IDNK: variants seen among roughly 807,000 people sequenced by gnomAD.
IDNK encodes gluconokinase.
IDNK carries 9 observed loss-of-function variants against 13.0 expected under a neutral mutation model. The observed-to-expected ratio is 0.69, with a 90% CI of 0.42 to 1.21. IDNK has a LOEUF of 1.21. Ranked by LOEUF, IDNK falls within the 50% of genes most tolerant of loss-of-function variation. The probability of loss-of-function intolerance (pLI) is 0.00; values close to 1 mark genes in which losing one functional copy is unlikely to be tolerated. For missense variants in IDNK, 210 were observed against 237.8 expected (o/e 0.88, Z 0.77); for synonymous variants, 92 against 94.9 (o/e 0.97, Z 0.18).
At chr9:83,623,803 A>C (rs79237027) in intron 1 of IDNK, among the ~76,000 whole-genome samples, 5,749 of 152,294 alleles carry the variant, frequency 0.038, 326 homozygotes, top group African/African-American at 0.13. Flanking sequence ...AAGAAAGAAG[A>C]GAATTGTGGA....
Position 83,643,581 on chromosome 9 carries a change from T to G in IDNK, c.365T>G (p.Val122Gly). The G allele has an allele frequency of 6.2e-7, 1 of 1,613,912 alleles. No homozygotes were observed. Among genetic ancestry groups the G allele is most frequent in the Non-Finnish European group, 8.5e-7 (1 of 1,179,972 alleles). Residue 122 changes from valine to glycine, a missense_variant, in exon 5 of 5, where the codon GTC becomes GGC. Transcript: ENST00000376419. ...CAGGCTGAGATGCAGCTCCTGGTGG[T>G]CCATCTGAGCGGGTCGTTTGAGGTC... ...AKQAEMQLLVVHLSGSFEVIS... is the reference protein window; with the variant it reads ...AKQAEMQLLVGHLSGSFEVIS...
intron 4 of IDNK, among the ~76,000 whole-genome samples, chr9:83,642,160 C>CAA (rs1436459485): frequency 6.6e-6 from 1 of 152,152 alleles, no homozygotes; most frequent in Non-Finnish European, 1.5e-5. Context: ...ACAGGGTCCC[C>CAA]CCCCAACAGC....
rs557377838 is a variant in IDNK, at chr9:83,632,062, A to C, written c.168+3103A>C. On this transcript the variant is annotated intron_variant, in intron 3 of 4. Coordinates refer to ENST00000376419, the MANE Select transcript of IDNK (RefSeq NM_001001551.4). Reference sequence around the variant, plus strand: ...AAAGTACTAAAAAATTTTTTCACAAAATATATCACCCTTGGTCTCATCTTC... The same window carrying C: ...AAAGTACTAAAAAATTTTTTCACAACATATATCACCCTTGGTCTCATCTTC... Among the ~76,000 whole-genome samples the C allele has an allele frequency of 2.0e-5, 3 of 152,280 alleles. No homozygotes were observed. In the East Asian group the frequency reaches 5.8e-4, roughly 29 times the overall value.
chr9:83,640,319 C>T (rs1042898856), intron 3 of IDNK, among the ~76,000 whole-genome samples: 5 of 152,120 alleles, frequency 3.3e-5, no homozygotes, highest in Non-Finnish European at 7.4e-5. Context: ...TAGTAAAGCC[C>T]TGATACCGAC....
chr9:83,629,066 CA>C (rs1181260464), intron 3 of IDNK, 107 bp downstream of exon 3: 1 of 861,416 alleles, frequency 1.2e-6, no homozygotes, highest in African/African-American at 1.6e-5. Context: ...GGTCACTGTA[CA>C]GGGGCTACAA....
chr9:83,643,418 T>C lies in IDNK; in HGVS notation c.213-11T>C. 6.4e-7 allele frequency: 1 copy of C among 1,567,860 alleles called. No homozygotes were observed. The highest frequency in any genetic ancestry group is 8.6e-7 in the Non-Finnish European group (1 of 1,158,192). ...TTAGCCTCCCTCTTTTTTTTTTCTT[T>C]TTCTAAACAGAGATGTAGCCTCGGG... is the stretch of plus-strand genomic sequence containing the variant. On this transcript the variant is annotated splice_polypyrimidine_tract_variant and intron_variant, in intron 4 of 4. Coordinates refer to ENST00000376419, the MANE Select transcript of IDNK (RefSeq NM_001001551.4).
At position 83,628,203 on chromosome 9, in the gene IDNK, G is replaced by A. The variant is rs1333369354; in HGVS notation, c.73G>A (p.Ala25Thr). 1 of 1,550,374 alleles carries A rather than the reference G, an allele frequency of 6.5e-7. No individual in the cohort carries two copies. The highest frequency in any genetic ancestry group is 8.7e-7 in the Non-Finnish European group (1 of 1,146,898). ...CAGATCCACCGTGGGCGCCCTGCTGGCATCTGAGGTTAGTAACCTGTCCTA... is the reference window on the plus strand; with the variant it reads ...CAGATCCACCGTGGGCGCCCTGCTGACATCTGAGGTTAGTAACCTGTCCTA... ...SGKSTVGALL[A>T]SELGWKFYDA... The change falls in exon 2 of 5, where the codon GCA (alanine) becomes ACA (threonine). Residue 25 changes from alanine (A) to threonine (T), a missense_variant. By Grantham distance (58) the Ala-to-Thr change is moderately conservative. Transcript: ENST00000376419.
chr9:83,625,912 TAATG>T (rs1232185711), intron 1 of IDNK, among the ~76,000 whole-genome samples: 1 of 152,224 alleles, frequency 6.6e-6, no homozygotes, highest in Non-Finnish European at 1.5e-5. Flanking sequence ...CTTGTTGACT[TAATG>T]AATGGATGGA....
rs1428905255 is a variant in IDNK, at chr9:83,643,753, A to G, written c.537A>G (p.Thr179=). 3 of 1,610,798 alleles carry G rather than the reference A, an allele frequency of 1.9e-6. No homozygotes were observed. Among genetic ancestry groups the G allele is most frequent in the South Asian group, 2.2e-5 (2 of 90,780 alleles). The part of the protein sequence containing the change: ...VDKNVSEIIA[T]IMETLKMK ...AAAATGTTTCAGAGATAATTGCTAC[A>G]ATTATGGAAACCCTAAAAATGAAAT... Residue 179 remains threonine (T), a synonymous_variant, in exon 5 of 5, where the codon ACA becomes ACG. Transcript: ENST00000376419.
intron 3 of IDNK, among the ~76,000 whole-genome samples, chr9:83,641,195 T>C (rs1364232955): frequency 6.6e-6 from 1 of 152,218 alleles, no homozygotes; most frequent in Non-Finnish European, 1.5e-5. Context: ...TGTGAATATC[T>C]CTCTACATTT....
At chr9:83,631,451 G>GGAAAAAAAA (rs1831010547) in intron 3 of IDNK, among the ~76,000 whole-genome samples, 8 of 56,946 alleles carry the variant, frequency 1.4e-4, no homozygotes, top group Admixed American at 2.9e-4. Context: ...TACAAAAACT[G>GGAAAAAAAA]AAAAAAAAAA....
rs1831385233 is a variant in IDNK, at chr9:83,643,804, A to G, written c.*24A>G. Reference sequence around the variant, plus strand: ...GACAATGATTTTGTATCAGTGGTCCAAACAGAACTAAGCATAAATCATTGT... The same window carrying G: ...GACAATGATTTTGTATCAGTGGTCCGAACAGAACTAAGCATAAATCATTGT... On this transcript the variant is annotated 3_prime_UTR_variant, in exon 5 of 5. Transcript: ENST00000376419. The G allele has an allele frequency of 1.3e-6, 2 of 1,520,008 alleles. No individual in the cohort carries two copies. Among genetic ancestry groups the G allele is most frequent in the Non-Finnish European group, 9.1e-7 (1 of 1,103,812 alleles). 94.2% of individuals were successfully genotyped at this position (1,520,008 alleles called of 1,614,324 possible). A position where few individuals can be genotyped will look rare whatever the true frequency, so the allele number is the denominator to read the frequency against.
chr9:83,627,063 T>C (rs138731749), intron 1 of IDNK: 316 of 155,366 alleles, frequency 2.0e-3, no homozygotes, highest in Non-Finnish European at 2.8e-3. Context: ...TGATAGCTTC[T>C]TGTGCAAGGG....
At chr9:83,630,196 C>T (rs940618083) in intron 3 of IDNK, among the ~76,000 whole-genome samples, 6 of 152,172 alleles carry the variant, frequency 3.9e-5, no homozygotes, top group Non-Finnish European at 7.3e-5. Context: ...CCCAAGAGTG[C>T]ACTTCTCTTT....
intron 1 of IDNK, among the ~76,000 whole-genome samples, chr9:83,623,930 C>T (rs1830775694): frequency 6.6e-6 from 1 of 152,174 alleles, no homozygotes. Context: ...CTGTACCATT[C>T]GACCACAGGC....
At position 83,623,545 on chromosome 9, in the gene IDNK, C is replaced by T. The variant is rs552964194; in HGVS notation, c.50+324C>T. On this transcript the variant is annotated intron_variant, in intron 1 of 4. Transcript: ENST00000376419. ...GCAGGTGGAGGCCTAGCGAGCGGCG[C>T]GGGGCTAGGTTTCGGGGCGCCTTGT... 9.3e-4 allele frequency: 304 copies of T among 325,660 alleles called. 1 individual carries two copies. The highest frequency in any genetic ancestry group is 6.2e-3 in the African/African-American group (279 of 44,658). 20.2% of individuals were successfully genotyped at this position (325,660 alleles called of 1,614,324 possible).
At chr9:83,630,021 T>A (rs1266652911) in intron 3 of IDNK, among the ~76,000 whole-genome samples, 1 of 152,216 alleles carries the variant, frequency 6.6e-6, no homozygotes, top group Admixed American at 6.5e-5. Context: ...ACGCACTAAG[T>A]GTGTCCAAAG....
chr9:83,641,669 T>A lies in IDNK; in HGVS notation c.212+78T>A, dbSNP rs1587622770. Reference sequence around the variant, plus strand: ...CCTCAGAAAAGACAGGGAAAAAAAATACACTCCTGAAATCACAACTGACTG... The same window carrying A: ...CCTCAGAAAAGACAGGGAAAAAAAAAACACTCCTGAAATCACAACTGACTG... On this transcript the variant is annotated intron_variant, in intron 4 of 4. Coordinates refer to ENST00000376419, the MANE Select transcript of IDNK (RefSeq NM_001001551.4). The A allele has an allele frequency of 3.6e-6, 5 of 1,403,408 alleles. No individual in the cohort carries two copies. In the South Asian group the frequency reaches 5.9e-5, roughly 17 times the overall value. 86.9% of individuals were successfully genotyped at this position (1,403,408 alleles called of 1,614,324 possible). A position where few individuals can be genotyped will look rare whatever the true frequency, so the allele number is the denominator to read the frequency against.
intron 3 of IDNK, among the ~76,000 whole-genome samples, chr9:83,639,927 G>A (rs562469974): frequency 6.6e-6 from 1 of 152,322 alleles, no homozygotes; most frequent in South Asian, 2.1e-4. Context: ...AGGTTCTGGA[G>A]GCCTGGAAGC....
Sources: gnomAD v4.1 joint callset for allele counts (sites outside exome capture counted in the v4.1 genomes callset) on GRCh38, gnomAD v4.1.1 for gene constraint, MANE v1.5 for transcripts, NCBI Gene and HGNC (gene_info 2026-07-23, HGNC 2026-07-21) for gene names.